The following BIRC2 variants were observed in gnomAD, a reference collection of about 807,000 sequenced individuals.
BIRC2 encodes the protein baculoviral IAP repeat containing 2.
In BIRC2, 18 loss-of-function variants were observed where a neutral mutation model predicts 60.9. The observed-to-expected ratio is 0.30, with a 90% CI of 0.20 to 0.44. The LOEUF is 0.44. Among genes scored for constraint, BIRC2 ranks in the 20% least tolerant of loss-of-function variants. The pLI is 1.00. For synonymous variants in BIRC2, 282 were observed against 247.7 expected, an observed-to-expected ratio of 1.14 and a Z score of -1.30; for missense variants, 701 against 728.5, an observed-to-expected ratio of 0.96 and a Z score of 0.43.
intron 3 of BIRC2, among the ~76,000 whole-genome samples, chr11:102,353,561 G>T (rs1246143372): frequency 6.6e-6 from 1 of 151,972 alleles, no homozygotes; most frequent in Non-Finnish European, 1.5e-5. Flanking sequence ...CAAGTGATCT[G>T]CCTGCCTTGG....
intron 6 of BIRC2, among the ~76,000 whole-genome samples, chr11:102,374,736 CTG>C (rs1951685673): frequency 6.6e-6 from 1 of 152,238 alleles, no homozygotes; most frequent in African/African-American, 2.4e-5. Context: ...CTAATCAAGC[CTG>C]GGCAATGGCG....
intron 6 of BIRC2, among the ~76,000 whole-genome samples, chr11:102,376,521 G>C (rs544276415): frequency 6.6e-6 from 1 of 152,290 alleles, no homozygotes; most frequent in African/African-American, 2.4e-5. Flanking sequence ...CTGGTACTTT[G>C]TAGAGATGTA....
intron 3 of BIRC2, among the ~76,000 whole-genome samples, chr11:102,352,342 C>T (rs1378908742): frequency 2.6e-5 from 4 of 152,098 alleles, no homozygotes; most frequent in Admixed American, 6.5e-5. Context: ...TCTCGATCTC[C>T]TGACCTCGTG....
intron 5 of BIRC2, among the ~76,000 whole-genome samples, chr11:102,366,690 C>A (rs1480345913): frequency 6.6e-6 from 1 of 152,036 alleles, no homozygotes; most frequent in Non-Finnish European, 1.5e-5. Flanking sequence ...TTAACCTAAT[C>A]CAAACTACCG....
rs1013209832 is a variant in BIRC2 at position 102,373,799 on chromosome 11, G to A, written c.1367-3697G>A. Among the ~76,000 whole-genome samples the A allele has an allele frequency of 1.5e-3, 234 of 151,724 alleles. 2 individuals carry two copies. The highest frequency in any genetic ancestry group is 5.4e-3 in the African/African-American group (224 of 41,128). On this transcript the variant is annotated intron_variant, in intron 6 of 8. Transcript: ENST00000227758. ...GTTCCAATCTCCCCATCACTTTCAG[G>A]TACACCAATCAGACGTAGATTTGGT...
intron 6 of BIRC2, among the ~76,000 whole-genome samples, chr11:102,373,070 T>C (rs953212749): frequency 6.7e-6 from 1 of 150,276 alleles, no homozygotes; most frequent in Non-Finnish European, 1.5e-5. Context: ...TCTCTGCACG[T>C]GAGATGGGTT....
At chr11:102,374,646 G>A (rs562855940) in intron 6 of BIRC2, among the ~76,000 whole-genome samples, 1 of 152,198 alleles carries the variant, frequency 6.6e-6, no homozygotes, top group East Asian at 1.9e-4. Context: ...GCCCCCAGAG[G>A]TGGAGCCTAC....
chr11:102,374,468 G>C (rs1201003314), intron 6 of BIRC2, among the ~76,000 whole-genome samples: 2 of 149,718 alleles, frequency 1.3e-5, no homozygotes, highest in Non-Finnish European at 3.0e-5. Context: ...GTGCCTCCCA[G>C]TTAGGCTGCT....
At position 102,349,934 on chromosome 11, in the gene BIRC2, T is replaced by C. The variant is rs765313317; in HGVS notation, c.80T>C (p.Ile27Thr). 6.2e-7 allele frequency: 1 copy of C among 1,614,204 alleles called. No homozygotes were observed. The highest frequency in any genetic ancestry group is 1.1e-5 in the South Asian group (1 of 91,086). Residue 27 changes from isoleucine (I) to threonine (T), a missense_variant, in exon 2 of 9, where the codon ATC (isoleucine) becomes ACC (threonine). Coordinates refer to ENST00000227758, the MANE Select transcript of BIRC2 (RefSeq NM_001166.5). ...NIKSIMEDST[I>T]LSDWTNSNKQ... ...AAGAGTATAATGGAAGATAGCACGA[T>C]CTTGTCAGATTGGACAAACAGCAAC...
chr11:102,371,779 T>C (rs2135821530), intron 6 of BIRC2, among the ~76,000 whole-genome samples: 1 of 150,342 alleles, frequency 6.7e-6, no homozygotes, highest in Admixed American at 6.6e-5. Flanking sequence ...AGAATTCCGC[T>C]GTGAATCCAT....
chr11:102,360,033 C>A (rs1404383948), intron 3 of BIRC2, among the ~76,000 whole-genome samples: 1 of 150,962 alleles, frequency 6.6e-6, no homozygotes. Flanking sequence ...GTGGCATGAT[C>A]TCAGCTCACT....
rs772873976 is a variant in BIRC2 at position 102,348,742 on chromosome 11, A to T, written c.-1113A>T. On this transcript the variant is annotated 5_prime_UTR_variant, in exon 2 of 9. Transcript: ENST00000227758. The stretch of plus-strand genomic sequence containing the variant: ...TGTGTATGAATTATATTTTTAAAAC[A>T]TTGAAGAGTTTTCAGAAAGAAGGCT... The T allele has an allele frequency of 2.5e-6, 1 of 397,848 alleles. No homozygotes were observed. The highest frequency in any genetic ancestry group is 1.9e-5 in the South Asian group (1 of 52,700). The allele number at this position is 397,848 out of a possible 1,614,324, so 24.6% of individuals were successfully genotyped here.
At chr11:102,374,698 A>C (rs1477083284) in intron 6 of BIRC2, among the ~76,000 whole-genome samples, 2 of 152,130 alleles carry the variant, frequency 1.3e-5, no homozygotes, top group Non-Finnish European at 2.9e-5. Context: ...GGCTCCACCC[A>C]GTTCGAGTTC....
Position 102,377,601 on chromosome 11 carries a change from A to C in BIRC2, c.1472A>C (p.Gln491Pro), listed in dbSNP as rs1481760190. ...NLLKANVINK[Q>P]EHDIIKQKTQ... ...TTAAAGGCCAATGTAATTAATAAACAGGAACATGATATTATTAAACAAAAA... is the reference window on the plus strand; with the variant it reads ...TTAAAGGCCAATGTAATTAATAAACCGGAACATGATATTATTAAACAAAAA... Residue 491 changes from glutamine to proline, a missense_variant, in exon 7 of 9, where the codon CAG becomes CCG. Coordinates refer to ENST00000227758, the MANE Select transcript of BIRC2 (RefSeq NM_001166.5). 1.2e-6 allele frequency: 2 copies of C among 1,611,920 alleles called. No homozygotes were observed. Among genetic ancestry groups the C allele is most frequent in the Admixed American group, 3.4e-5 (2 of 59,534 alleles).
intron 6 of BIRC2, among the ~76,000 whole-genome samples, chr11:102,374,478 T>G (rs1483103140): frequency 1.3e-5 from 2 of 149,810 alleles, no homozygotes; most frequent in East Asian, 3.9e-4. Flanking sequence ...GTTAGGCTGC[T>G]CGGGGGTCAG....
intron 6 of BIRC2, among the ~76,000 whole-genome samples, chr11:102,376,606 A>G (rs1483597339): frequency 6.6e-6 from 1 of 152,224 alleles, no homozygotes; most frequent in Non-Finnish European, 1.5e-5. Flanking sequence ...AGGAACTACC[A>G]TATTCCATAA....
chr11:102,368,246 AC>A (rs1951575664), intron 5 of BIRC2, 59 bp from the exon 6 acceptor site: 1 of 1,542,288 alleles, frequency 6.5e-7, no homozygotes, highest in South Asian at 1.2e-5. Context: ...GTGCCATGAT[AC>A]TTTTTTCCAT....
rs1275233035 is a variant in BIRC2, at chr11:102,368,415, A to T, written c.1233A>T (p.Gln411His). The part of the protein sequence containing the change: ...EMGFNRDLVK[Q>H]TVQSKILTTG... ...GCTTTAATAGAGACCTGGTGAAACA[A>T]ACAGTTCAAAGTAAAATCCTGACAA... is the stretch of plus-strand genomic sequence containing the variant. Residue 411 changes from glutamine to histidine, a missense_variant, in exon 6 of 9, where the codon CAA (glutamine) becomes CAT (histidine). By Grantham distance (24) the Gln-to-His change is conservative. This residue lies in a region of BIRC2 where 235 missense variants were observed against 208.9 expected (regional missense o/e 1.12). Coordinates refer to ENST00000227758, the MANE Select transcript of BIRC2 (RefSeq NM_001166.5). 1 of 1,614,096 alleles carries T rather than the reference A, an allele frequency of 6.2e-7. No individual in the cohort carries two copies. Among genetic ancestry groups the T allele is most frequent in the Middle Eastern group, 1.6e-4 (1 of 6,062 alleles).
rs1951447769 is a variant in BIRC2 at position 102,358,500 on chromosome 11, T to TG, written c.996-4395dup. Among the ~76,000 whole-genome samples the TG allele has an allele frequency of 3.3e-5, 5 of 152,320 alleles. No individual in the cohort carries two copies. In the South Asian group the frequency reaches 1.0e-3, roughly 32 times the overall value. ...AGATCCATTAGATCCAGTGTATAGT[T>TG]GAAGTCCAATATTTCCTTACTGATT... On this transcript the variant is annotated intron_variant, in intron 3 of 8. Coordinates refer to ENST00000227758, the MANE Select transcript of BIRC2 (RefSeq NM_001166.5).
Sources: gnomAD v4.1 joint callset for allele counts (sites outside exome capture counted in the v4.1 genomes callset) on GRCh38, gnomAD v4.1.1 for gene constraint, gnomAD v4.1.1 regional missense constraint, MANE v1.5 for transcripts, NCBI Gene and HGNC (gene_info 2026-07-23, HGNC 2026-07-21) for gene names.